The following STK4 variants were observed in gnomAD, a reference collection of about 807,000 sequenced individuals.
STK4 encodes the protein serine/threonine kinase 4, also known as serine/threonine-protein kinase 4.
A neutral mutation model predicts 64.9 loss-of-function variants in STK4; 30 were observed. The observed-to-expected ratio is 0.46, with a 90% CI of 0.35 to 0.63. The LOEUF (loss-of-function observed/expected upper bound fraction) is 0.63, where lower values mean the gene tolerates loss of function less well. Ranked by LOEUF, STK4 falls within the 20% of genes least tolerant of loss-of-function variation. The pLI is 0.01. For missense variants in STK4, 466 were observed against 598.5 expected (o/e 0.78, Z 2.31); for synonymous variants, 177 against 199.0 (o/e 0.89, Z 0.93).
chr20:45,030,345 C>T (rs1319017763), intron 10 of STK4, among the ~76,000 whole-genome samples: 2 of 151,422 alleles, frequency 1.3e-5, no homozygotes, highest in Non-Finnish European at 2.9e-5. Context: ...ACCTTGTGAT[C>T]CACTCTCTTT....
intron 10 of STK4, among the ~76,000 whole-genome samples, chr20:45,047,663 G>A (rs894679041): frequency 2.6e-5 from 4 of 152,190 alleles, no homozygotes; most frequent in African/African-American, 9.7e-5. Flanking sequence ...TGGTAAAACT[G>A]TAGTAAAAAA....
At chr20:44,997,430 G>T in intron 7 of STK4, 124 bp downstream of exon 7, 19 of 1,236,800 alleles carry the variant, frequency 1.5e-5, no homozygotes, top group Non-Finnish European at 2.0e-5. Context: ...AGTGGCTCAC[G>T]CCTGTAATCG....
intron 10 of STK4, among the ~76,000 whole-genome samples, chr20:45,050,376 G>C (rs1196018434): frequency 6.6e-6 from 1 of 152,150 alleles, no homozygotes; most frequent in African/African-American, 2.4e-5. Context: ...TGTGATCTCT[G>C]ATTTAACCAG....
chr20:45,058,923 G>C (rs1229615742), intron 10 of STK4, among the ~76,000 whole-genome samples: 1 of 152,130 alleles, frequency 6.6e-6, no homozygotes, highest in Non-Finnish European at 1.5e-5. Context: ...GAGGTGTAAT[G>C]GGTGTTTACT....
intron 9 of STK4, among the ~76,000 whole-genome samples, chr20:45,010,518 A>G (rs2068026439): frequency 6.6e-6 from 1 of 152,204 alleles, no homozygotes; most frequent in Non-Finnish European, 1.5e-5. Context: ...CATTACAACC[A>G]TGCTGTGTGG....
chr20:44,995,730 G>T (rs938809235), intron 6 of STK4, among the ~76,000 whole-genome samples: 16 of 151,724 alleles, frequency 1.1e-4, no homozygotes, highest in African/African-American at 3.9e-4. Context: ...TCTAGTTGTA[G>T]TCATTAATTA....
intron 10 of STK4, among the ~76,000 whole-genome samples, chr20:45,050,832 G>T (rs1353881722): frequency 1.3e-5 from 2 of 151,850 alleles, no homozygotes; most frequent in Non-Finnish European, 2.9e-5. Context: ...CACATTCTAA[G>T]ATTACAAAAA....
intron 9 of STK4, among the ~76,000 whole-genome samples, chr20:45,023,235 G>C (rs2068280520): frequency 6.6e-6 from 1 of 152,184 alleles, no homozygotes; most frequent in Admixed American, 6.5e-5. Flanking sequence ...TTAGTGAGGA[G>C]AAAACAGTGT....
intron 7 of STK4, among the ~76,000 whole-genome samples, chr20:44,998,550 AT>A (rs1305919054): frequency 6.6e-6 from 1 of 152,174 alleles, no homozygotes; most frequent in Non-Finnish European, 1.5e-5. Context: ...AAAAACTCTC[AT>A]TACTTTTCTG....
Position 44,972,066 on chromosome 20 carries a change from C to G in STK4, c.36-12C>G, listed in dbSNP as rs112812069. ...TAAAATGTATTTTGTGTTTATATTT[C>G]TTTATTCACAGGCAGCTGAAAAAGT... is the stretch of plus-strand genomic sequence containing the variant. On this transcript the variant is annotated splice_polypyrimidine_tract_variant and intron_variant, in intron 1 of 10. Transcript: ENST00000372806. 1.2e-3 allele frequency: 1,868 copies of G among 1,611,052 alleles called. 17 individuals are homozygous for G. In the African/African-American group the frequency reaches 0.017, roughly 15 times the overall value.
intron 5 of STK4, among the ~76,000 whole-genome samples, chr20:44,992,829 G>A (rs1427525147): frequency 6.6e-6 from 1 of 151,994 alleles, no homozygotes; most frequent in Non-Finnish European, 1.5e-5. Flanking sequence ...CGAGTAGCTG[G>A]GATTACAGGT....
chr20:44,985,701 A>G (rs1459588612), intron 4 of STK4, among the ~76,000 whole-genome samples: 1 of 152,236 alleles, frequency 6.6e-6, no homozygotes, highest in Non-Finnish European at 1.5e-5. Flanking sequence ...GATAATATCA[A>G]AGGTGTTAAA....
rs997112480 is a variant in STK4 at position 45,016,327 on chromosome 20, C to T, written c.1148-8646C>T. Among the ~76,000 whole-genome samples, 8 of 152,066 alleles carry T rather than the reference C, an allele frequency of 5.3e-5. No individual in the cohort carries two copies. The South Asian group carries it at 6.2e-4, about 12-fold the overall frequency. On this transcript the variant is annotated intron_variant, in intron 9 of 10. Transcript: ENST00000372806. ...ATCTTAATACAGTGGAATTTATTAC[C>T]GACTGGATTTTTTTTCCACCCCCGA...
chr20:45,022,487 T>C (rs1010784498), intron 9 of STK4, among the ~76,000 whole-genome samples: 1 of 152,166 alleles, frequency 6.6e-6, no homozygotes, highest in African/African-American at 2.4e-5. Flanking sequence ...AACTCAAATA[T>C]GAGGCAAGCA....
At chr20:45,062,708 G>C (rs1242666035) in intron 10 of STK4, among the ~76,000 whole-genome samples, 2 of 151,968 alleles carry the variant, frequency 1.3e-5, no homozygotes, top group Non-Finnish European at 2.9e-5. Context: ...GCCCAGGCTG[G>C]AGTGCCCAGC....
At chr20:45,062,343 C>A (rs1360089559) in intron 10 of STK4, among the ~76,000 whole-genome samples, 1 of 152,138 alleles carries the variant, frequency 6.6e-6, no homozygotes, top group African/African-American at 2.4e-5. Flanking sequence ...CGTTGATGAG[C>A]ATTTAGGTTA....
intron 7 of STK4, among the ~76,000 whole-genome samples, chr20:44,998,723 A>G (rs1297219549): frequency 6.6e-6 from 1 of 152,236 alleles, no homozygotes; most frequent in Non-Finnish European, 1.5e-5. Context: ...GACATAATGA[A>G]ATAGATACCT....
At chr20:45,048,528 C>T (rs1258940887) in intron 10 of STK4, among the ~76,000 whole-genome samples, 5 of 151,402 alleles carry the variant, frequency 3.3e-5, no homozygotes, top group Non-Finnish European at 5.9e-5. Flanking sequence ...TTTTTTGAGA[C>T]GGAGTGTTGC....
chr20:45,002,676 T>C (rs2067862220), intron 9 of STK4, among the ~76,000 whole-genome samples: 1 of 152,208 alleles, frequency 6.6e-6, no homozygotes, highest in South Asian at 2.1e-4. Context: ...TAATGACCCC[T>C]ATAGACCTAT....
Sources: gnomAD v4.1 joint callset for allele counts (sites outside exome capture counted in the v4.1 genomes callset) on GRCh38, gnomAD v4.1.1 for gene constraint, MANE v1.5 for transcripts, NCBI Gene and HGNC (gene_info 2026-07-23, HGNC 2026-07-21) for gene names.